TLN2: variants seen among roughly 807,000 people sequenced by gnomAD.
TLN2 encodes talin-2.
A neutral mutation model predicts 294.7 loss-of-function variants in TLN2; 118 were observed. The observed-to-expected ratio is 0.40, with a 90% CI of 0.34 to 0.47. The LOEUF is 0.47. Among genes scored for constraint, TLN2 ranks in the 20% least tolerant of loss-of-function variants. The probability of loss-of-function intolerance (pLI) is 0.84; values close to 1 mark genes in which losing one functional copy is unlikely to be tolerated. For missense variants in TLN2, 3,083 were observed against 3,282.2 expected, an observed-to-expected ratio of 0.94 and a Z score of 1.48; for synonymous variants, 1,431 against 1,304.5, an observed-to-expected ratio of 1.10 and a Z score of -2.09.
In TLN2 at chr15:62,742,024, G is replaced by GTGTGTGTGTGTGTGT. The variant is rs1491242073; in HGVS notation, c.4025+1255_4025+1256insTGTGTGTGTGTGTGT. ...CTTCCTCCCTCTTGGCTTGTAGTGG[G>GTGTGTGTGTGTGTGT]GTGTGTGTGTGTGTGTGTGTGTGTG... On this transcript the variant is annotated intron_variant, in intron 32 of 58. Transcript: ENST00000636159. 2.3e-4 allele frequency among the ~76,000 whole-genome samples: 19 copies of GTGTGTGTGTGTGTGT among 82,276 alleles called. 2 individuals are homozygous for GTGTGTGTGTGTGTGT. Among genetic ancestry groups the GTGTGTGTGTGTGTGT allele is most frequent in the East Asian group, 9.6e-4 (3 of 3,132 alleles). 54.0% of individuals were successfully genotyped at this position (82,276 alleles called of 152,430 possible).
At chr15:62,796,922 C>T (rs1306563644) in intron 47 of TLN2, among the ~76,000 whole-genome samples, 3 of 152,164 alleles carry the variant, frequency 2.0e-5, no homozygotes, top group Non-Finnish European at 4.4e-5. Context: ...AAGAAGCTGA[C>T]CTTTCATTGA....
rs113053351 is a variant in TLN2 at position 62,675,044 on chromosome 15, T to C, written c.853-173T>C. 2.0e-5 allele frequency among the ~76,000 whole-genome samples: 3 copies of C among 152,362 alleles called. 1 individual carries two copies. The highest frequency in any genetic ancestry group is 7.2e-5 in the African/African-American group (3 of 41,596). ...AATCCCTGTGTTAGAACTTCCTGCATGCTCTGATCCTTGGTCAGCAGTTGC... is the reference window on the plus strand; with the variant it reads ...AATCCCTGTGTTAGAACTTCCTGCACGCTCTGATCCTTGGTCAGCAGTTGC... On this transcript the variant is annotated intron_variant, in intron 10 of 58. Transcript: ENST00000636159.
chr15:62,678,638 C>G (rs1025341657), intron 11 of TLN2, among the ~76,000 whole-genome samples: 1 of 152,164 alleles, frequency 6.6e-6, no homozygotes, highest in South Asian at 2.1e-4. Context: ...CGAGACCAGC[C>G]TGGCCAACAT....
At chr15:62,803,717 A>C (rs1347239003) in intron 50 of TLN2, among the ~76,000 whole-genome samples, 1 of 152,080 alleles carries the variant, frequency 6.6e-6, no homozygotes, top group Non-Finnish European at 1.5e-5. Context: ...TCTTTGTGTT[A>C]TCTTGAATCT....
chr15:62,600,270 A>G (rs1176386987), intron 2 of TLN2, among the ~76,000 whole-genome samples: 1 of 152,232 alleles, frequency 6.6e-6, no homozygotes, highest in Admixed American at 6.5e-5. Context: ...CAGGATGAGT[A>G]AAATTTTGGT....
Position 62,407,548 on chromosome 15 carries a change from C to A in TLN2, c.-238+16863C>A, listed in dbSNP as rs572735743. The stretch of plus-strand genomic sequence containing the variant: ...ATGGACATAATTTAGAGGGGAAAAA[C>A]CACCATCACCACCAAGTTTTCATTT... On this transcript the variant is annotated intron_variant, in intron 1 of 58. Transcript: ENST00000636159. Among the ~76,000 whole-genome samples, 111 of 152,236 alleles carry A rather than the reference C, an allele frequency of 7.3e-4. 1 individual carries two copies. In the South Asian group the frequency reaches 0.023, roughly 31 times the overall value.
chr15:62,725,213 A>G (rs2060371448), intron 27 of TLN2, 109 bp downstream of exon 27: 3 of 1,435,676 alleles, frequency 2.1e-6, no homozygotes, highest in Admixed American at 2.5e-5. Flanking sequence ...AGAAGCTTCT[A>G]ATCCTGTGGT....
At chr15:62,747,113 A>G (rs2061658939) in intron 32 of TLN2, among the ~76,000 whole-genome samples, 1 of 152,224 alleles carries the variant, frequency 6.6e-6, no homozygotes, top group Admixed American at 6.5e-5. Context: ...TATATCTTAT[A>G]CTATACAAAA....
chr15:62,811,246 T>C (rs2066659613), intron 52 of TLN2, among the ~76,000 whole-genome samples: 1 of 152,244 alleles, frequency 6.6e-6, no homozygotes, highest in Non-Finnish European at 1.5e-5. Context: ...GTAGCCAGTC[T>C]GGGGTCACTA....
chr15:62,460,182 C>T (rs1462309400), intron 1 of TLN2, among the ~76,000 whole-genome samples: 1 of 152,024 alleles, frequency 6.6e-6, no homozygotes, highest in Non-Finnish European at 1.5e-5. Flanking sequence ...TTGCAGCAGC[C>T]AGCCATGTGT....
chr15:62,592,435 C>A (rs547859148), intron 2 of TLN2, among the ~76,000 whole-genome samples: 2 of 152,266 alleles, frequency 1.3e-5, no homozygotes, highest in East Asian at 3.9e-4. Flanking sequence ...CATGGGTTTC[C>A]TCTACCCAGG....
At chr15:62,498,717 A>T (rs2039147596) in intron 1 of TLN2, among the ~76,000 whole-genome samples, 1 of 147,828 alleles carries the variant, frequency 6.8e-6, no homozygotes, top group South Asian at 2.1e-4. Context: ...TTTCCCACAA[A>T]ATTTGCTTCT....
At chr15:62,702,633 C>A in intron 18 of TLN2, 133 bp from the exon 19 acceptor site, 1 of 814,850 alleles carries the variant, frequency 1.2e-6, no homozygotes, top group Non-Finnish European at 2.0e-6. Context: ...TTCTATCTGG[C>A]AGACCACCTG....
intron 1 of TLN2, among the ~76,000 whole-genome samples, chr15:62,517,315 A>G (rs2040236044): frequency 1.3e-5 from 2 of 152,240 alleles, no homozygotes; most frequent in South Asian, 4.1e-4. Flanking sequence ...CTGTTAGTAG[A>G]AAATCACAGT....
intron 1 of TLN2, among the ~76,000 whole-genome samples, chr15:62,423,819 A>T (rs2034551705): frequency 6.6e-6 from 1 of 152,152 alleles, no homozygotes; most frequent in Non-Finnish European, 1.5e-5. Flanking sequence ...ACCTCAAGTG[A>T]TCCACACATC....
chr15:62,738,685 T>A (rs1011813657), intron 30 of TLN2, among the ~76,000 whole-genome samples: 2 of 151,980 alleles, frequency 1.3e-5, no homozygotes, highest in African/African-American at 2.4e-5. Flanking sequence ...AGAGAGCGAG[T>A]AGTCTGAGGA....
intron 1 of TLN2, among the ~76,000 whole-genome samples, chr15:62,485,712 G>A (rs1465688085): frequency 6.6e-6 from 1 of 152,234 alleles, no homozygotes; most frequent in East Asian, 1.9e-4. Context: ...GAGACCTCAC[G>A]CTTGAAACTT....
intron 51 of TLN2, among the ~76,000 whole-genome samples, chr15:62,807,623 T>C (rs528203446): frequency 1.3e-5 from 2 of 152,276 alleles, no homozygotes; most frequent in Admixed American, 1.3e-4. Context: ...GCAGCTCAGA[T>C]GTTTAAGTCT....
At chr15:62,774,536 G>A (rs2063565989) in intron 42 of TLN2, among the ~76,000 whole-genome samples, 1 of 152,192 alleles carries the variant, frequency 6.6e-6, no homozygotes, top group Non-Finnish European at 1.5e-5. Context: ...GATGAGACTT[G>A]CCTTTGGTGT....
Sources: allele counts gnomAD v4.1 joint callset (sites outside exome capture counted in the v4.1 genomes callset), GRCh38; gene constraint gnomAD v4.1.1; transcripts MANE v1.5; gene names NCBI Gene and HGNC (gene_info 2026-07-23, HGNC 2026-07-21).